Variants in SLFNL1 observed in about 807,000 individuals in gnomAD.
SLFNL1 encodes schlafen-like protein 1.
A neutral mutation model predicts 32.5 loss-of-function variants in SLFNL1; 26 were observed. The observed-to-expected ratio is 0.80, with a 90% CI of 0.59 to 1.11. The LOEUF is 1.11. Ranked by LOEUF, SLFNL1 falls within the 50% of genes least tolerant of loss-of-function variation. The pLI is 0.00. For synonymous variants in SLFNL1, 255 were observed against 242.2 expected (o/e 1.05, Z -0.49); for missense variants, 553 against 546.5 (o/e 1.01, Z -0.12).
chr1:41,019,614 T>G lies in SLFNL1; in HGVS notation c.435+612A>C, dbSNP rs1427483119. On this transcript the variant is annotated intron_variant, in intron 3 of 5. Transcript: ENST00000302946. ...CTAAGCCCCCAGGTTCCTCTGCATA[T>G]TCTGTGTCCCTTGCCTGGAATGTCC... Among the ~76,000 whole-genome samples the G allele has an allele frequency of 3.9e-5, 6 of 152,200 alleles. No homozygotes were observed. In the East Asian group the frequency reaches 9.6e-4, roughly 24 times the overall value.
chr1:41,015,959 G>A lies in SLFNL1; in HGVS notation c.*147C>T, dbSNP rs1643289366. 2 of 1,108,662 alleles carry A rather than the reference G, an allele frequency of 1.8e-6. No individual in the cohort carries two copies. The highest frequency in any genetic ancestry group is 1.3e-6 in the Non-Finnish European group (1 of 784,630). The allele number at this position is 1,108,662 out of a possible 1,614,324, so 68.7% of individuals were successfully genotyped here. A position where few individuals can be genotyped will look rare whatever the true frequency, so the allele number is the denominator to read the frequency against. On this transcript the variant is annotated 3_prime_UTR_variant, in exon 6 of 6. Transcript: ENST00000302946. ...GTCTGTCAGGGTTGAAGCCACATGG[G>A]TGCCTGCTCATGTGCCATGTTGAAG...
At position 41,020,429 on chromosome 1, in the gene SLFNL1, C is replaced by G; in HGVS notation, c.232G>C (p.Val78Leu). The change falls in exon 3 of 6, where the codon GTG (valine) becomes CTG (leucine). Residue 78 changes from valine (V) to leucine (L), a missense_variant. Val to Leu is a conservative substitution (Grantham distance 32). Coordinates refer to ENST00000302946, the MANE Select transcript of SLFNL1 (RefSeq NM_144990.4). Reference sequence around the variant, plus strand: ...ACCACTTCAATGTGCTCCCGCGCCACCGGCATCTCCAGCCGCTCCAGGGTG... The same window carrying G: ...ACCACTTCAATGTGCTCCCGCGCCAGCGGCATCTCCAGCCGCTCCAGGGTG... ...RDTLERLEMP[V>L]AREHIEVVRR... The G allele has an allele frequency of 6.2e-7, 1 of 1,613,116 alleles. No individual in the cohort carries two copies.
In SLFNL1 at chr1:41,017,785, C is replaced by A. The variant is rs766874421; in HGVS notation, c.807G>T (p.Gln269His). 4 of 1,605,488 alleles carry A rather than the reference C, an allele frequency of 2.5e-6. No individual in the cohort carries two copies. In the African/African-American group the frequency reaches 5.3e-5, roughly 21 times the overall value. Residue 269 changes from glutamine (Q) to histidine (H), a missense_variant, in exon 4 of 6, where the codon CAG becomes CAT. By Grantham distance (24) the Gln-to-His change is conservative. Transcript: ENST00000302946. This position sits in a 1 kb window ranked among gnomAD's most constrained non-coding sequence, Gnocchi z 4.9. ...LVGVEDSGLV[Q>H]GIRCSHRDED... The stretch of plus-strand genomic sequence containing the variant: ...CGTCACGGTGGCTGCAGCGGATGCC[C>A]TGCACCAGGCCGCTGTCCTCTACTC...
chr1:41,018,866 C>T (rs932329030), intron 3 of SLFNL1, among the ~76,000 whole-genome samples: 4 of 126,072 alleles, frequency 3.2e-5, no homozygotes, highest in African/African-American at 8.9e-5. Context: ...GACAGAGTCT[C>T]GCCCTGTCAC....
chr1:41,020,787 T>TA lies in SLFNL1; in HGVS notation c.-118-10dup. 2.4e-6 allele frequency: 2 copies of TA among 842,948 alleles called. No homozygotes were observed. Among genetic ancestry groups the TA allele is most frequent in the Non-Finnish European group, 3.6e-6 (2 of 552,966 alleles). The allele number at this position is 842,948 out of a possible 1,614,324, so 52.2% of individuals were successfully genotyped here. A position where few individuals can be genotyped will look rare whatever the true frequency, so the allele number is the denominator to read the frequency against. On this transcript the variant is annotated splice_polypyrimidine_tract_variant and intron_variant, in intron 2 of 5. Coordinates refer to ENST00000302946, the MANE Select transcript of SLFNL1 (RefSeq NM_144990.4). ...AGGGAGTGTCCCGGCTCCTGGGAGG[T>TA]ACACAGATTGGCAGAGACTGGGCAG...
chr1:41,016,118 G>A lies in SLFNL1; in HGVS notation c.1212C>T (p.Cys404=). The part of the protein sequence containing the change: ...LQQHGPVSCT[C]CVL ...CTCCCCAGGGCCCTCACAGGACACA[G>A]CAGGTGCAGGACACAGGCCCGTGCT... The change falls in exon 6 of 6, where the codon TGC becomes TGT. Residue 404 remains cysteine, a synonymous_variant. Transcript: ENST00000302946. The A allele has an allele frequency of 1.2e-6, 2 of 1,613,798 alleles. No individual in the cohort carries two copies. Among genetic ancestry groups the A allele is most frequent in the Admixed American group, 1.7e-5 (1 of 59,972 alleles).
intron 3 of SLFNL1, among the ~76,000 whole-genome samples, chr1:41,018,813 C>G: frequency 6.9e-6 from 1 of 144,586 alleles, no homozygotes; most frequent in Admixed American, 7.0e-5. Flanking sequence ...CTCACCCTTT[C>G]ATGTCAACCC....
rs748885819 is a variant in SLFNL1 at position 41,018,020 on chromosome 1, C to A, written c.572G>T (p.Arg191Leu). ...QAQQLQSCQG[R>L]PSGVCSDSAI... The stretch of plus-strand genomic sequence containing the variant: ...ACTGTCGGAGCACACGCCGCTGGGC[C>A]GGCCCTGGCAGCTCTGCAGCTGCTG... The change falls in exon 4 of 6, where the codon CGG becomes CTG. Residue 191 changes from arginine (R) to leucine (L), a missense_variant. Coordinates refer to ENST00000302946, the MANE Select transcript of SLFNL1 (RefSeq NM_144990.4). 1 of 1,601,162 alleles carries A rather than the reference C, an allele frequency of 6.2e-7. No homozygotes were observed. Among genetic ancestry groups the A allele is most frequent in the Non-Finnish European group, 8.5e-7 (1 of 1,174,722 alleles).
At chr1:41,018,296 C>T (rs374360767) in intron 3 of SLFNL1, 140 bp from the exon 4 acceptor site, 10 of 857,706 alleles carry the variant, frequency 1.2e-5, no homozygotes, top group South Asian at 4.8e-5. Context: ...CTCACCAGGC[C>T]GAGGGGCCCA....
chr1:41,018,159 AG>A lies in SLFNL1; in HGVS notation c.436-4del. On this transcript the variant is annotated splice_region_variant and splice_polypyrimidine_tract_variant and intron_variant, in intron 3 of 5. Coordinates refer to ENST00000302946, the MANE Select transcript of SLFNL1 (RefSeq NM_144990.4). Reference sequence around the variant, plus strand: ...TCCTCCTCCTCCTCCTCCTTCTCCTAGGGTGGTAGTCAAGAATGAATGTATG... The same window carrying A: ...TCCTCCTCCTCCTCCTCCTTCTCCTAGGTGGTAGTCAAGAATGAATGTATG... 6.8e-7 allele frequency: 1 copy of A among 1,469,158 alleles called. No individual in the cohort carries two copies. The highest frequency in any genetic ancestry group is 9.0e-7 in the Non-Finnish European group (1 of 1,106,574). The allele number at this position is 1,469,158 out of a possible 1,614,324, so 91.0% of individuals were successfully genotyped here. A position where few individuals can be genotyped will look rare whatever the true frequency, so the allele number is the denominator to read the frequency against.
intron 1 of SLFNL1, 35 bp from the exon 2 acceptor site, chr1:41,020,905 A>C (rs991336121): frequency 5.6e-6 from 3 of 531,608 alleles, no homozygotes; most frequent in Non-Finnish European, 6.7e-6. Context: ...TGGACTGAGC[A>C]AGACACAGGG....
rs201005686 is a variant in SLFNL1, at chr1:41,020,257, C to T, written c.404G>A (p.Ser135Asn). Residue 135 changes from serine (S) to asparagine (N), a missense_variant, in exon 3 of 6, where the codon AGT (serine) becomes AAT (asparagine). By Grantham distance (46) the Ser-to-Asn change is conservative. Transcript: ENST00000302946. ...LAARGKDLLLSEAQGPFSHRE... is the reference protein window; with the variant it reads ...LAARGKDLLLNEAQGPFSHRE... Reference sequence around the variant, plus strand: ...GTGGCTGAAGGGCCCTTGGGCCTCACTCAATAGCAGGTCCTTCCCACGGGC... The same window carrying T: ...GTGGCTGAAGGGCCCTTGGGCCTCATTCAATAGCAGGTCCTTCCCACGGGC... The T allele has an allele frequency of 6.0e-5, 96 of 1,608,076 alleles. No individual in the cohort carries two copies. The highest frequency in any genetic ancestry group is 1.7e-5 in the Admixed American group (1 of 59,742).
rs978624857 is a variant in SLFNL1, at chr1:41,020,735, T to C, written c.-75A>G. 2.8e-6 allele frequency: 4 copies of C among 1,446,646 alleles called. No individual in the cohort carries two copies. The highest frequency in any genetic ancestry group is 2.8e-5 in the African/African-American group (2 of 71,420). 89.6% of individuals were successfully genotyped at this position (1,446,646 alleles called of 1,614,324 possible). Reference sequence around the variant, plus strand: ...CTTCTCCCAGGGTCTGTGTTCTCAGTGTGGCTTAAGGGCTCCCAGAGGACT... The same window carrying C: ...CTTCTCCCAGGGTCTGTGTTCTCAGCGTGGCTTAAGGGCTCCCAGAGGACT... On this transcript the variant is annotated 5_prime_UTR_variant, in exon 3 of 6. Transcript: ENST00000302946.
In SLFNL1 at chr1:41,015,913, G is replaced by GT; in HGVS notation, c.*192dup. ...TCATTTGGGGACAGGGCTGAGAGCAGTTTCTTGGCTACACAGATGGGTCTG... is the reference window on the plus strand; with the variant it reads ...TCATTTGGGGACAGGGCTGAGAGCAGTTTTCTTGGCTACACAGATGGGTCTG... On this transcript the variant is annotated 3_prime_UTR_variant, in exon 6 of 6. Coordinates refer to ENST00000302946, the MANE Select transcript of SLFNL1 (RefSeq NM_144990.4). 1.5e-6 allele frequency: 1 copy of GT among 677,332 alleles called. No individual in the cohort carries two copies. The highest frequency in any genetic ancestry group is 2.1e-5 in the South Asian group (1 of 46,760). 42.0% of individuals were successfully genotyped at this position (677,332 alleles called of 1,614,324 possible). A position where few individuals can be genotyped will look rare whatever the true frequency, so the allele number is the denominator to read the frequency against.
chr1:41,020,928 C>T (rs202184637), intron 1 of SLFNL1, 58 bp from the exon 2 acceptor site: 4 of 451,364 alleles, frequency 8.9e-6, no homozygotes, highest in South Asian at 4.0e-5. Flanking sequence ...TGTGGGAAGA[C>T]GGGATCTGCC....
In SLFNL1 at chr1:41,017,956, G is replaced by A. The variant is rs772975519; in HGVS notation, c.636C>T (p.Leu212=). 17 of 1,611,956 alleles carry A rather than the reference G, an allele frequency of 1.1e-5. No individual in the cohort carries two copies. The highest frequency in any genetic ancestry group is 1.4e-5 in the Non-Finnish European group (17 of 1,179,554). Reference sequence around the variant, plus strand: ...CGCTGCCCAGGAAGGCACCCTGGAAGAGCTGGTCCTTGCCCACGATCTGCT... The same window carrying A: ...CGCTGCCCAGGAAGGCACCCTGGAAAAGCTGGTCCTTGCCCACGATCTGCT... The part of the protein sequence containing the change: ...VHQQIVGKDQ[L]FQGAFLGSET... The change falls in exon 4 of 6, where the codon CTC becomes CTT. Residue 212 remains leucine, a synonymous_variant. Transcript: ENST00000302946. This position sits in a 1 kb window ranked among gnomAD's most constrained non-coding sequence, Gnocchi z 4.9.
chr1:41,020,377 A>G lies in SLFNL1; in HGVS notation c.284T>C (p.Leu95Pro), dbSNP rs1208328691. 1 of 1,613,252 alleles carries G rather than the reference A, an allele frequency of 6.2e-7. No homozygotes were observed. Among genetic ancestry groups the G allele is most frequent in the African/African-American group, 1.3e-5 (1 of 74,934 alleles). Reference protein sequence around the residue: ...VVRRPRKAYALVQVTVHRDTL... With the variant: ...VVRRPRKAYAPVQVTVHRDTL... ...GTCCCTGTGGACAGTCACCTGCACC[A>G]GTGCATAGGCCTTCCGCGGCCGCCT... The change falls in exon 3 of 6, where the codon CTG becomes CCG. Residue 95 changes from leucine to proline, a missense_variant. Coordinates refer to ENST00000302946, the MANE Select transcript of SLFNL1 (RefSeq NM_144990.4).
At chr1:41,019,609 G>C (rs1643665047) in intron 3 of SLFNL1, among the ~76,000 whole-genome samples, 1 of 152,182 alleles carries the variant, frequency 6.6e-6, no homozygotes, top group Non-Finnish European at 1.5e-5. Flanking sequence ...AGGTTCCTCT[G>C]CATATTCTGT....
Position 41,020,337 on chromosome 1 carries a change from G to A in SLFNL1, c.324C>T (p.Leu108=). 3 of 1,613,640 alleles carry A rather than the reference G, an allele frequency of 1.9e-6. No individual in the cohort carries two copies. Among genetic ancestry groups the A allele is most frequent in the Non-Finnish European group, 2.5e-6 (3 of 1,180,028 alleles). Residue 108 remains leucine (L), a synonymous_variant, in exon 3 of 6, where the codon CTC becomes CTT. Transcript: ENST00000302946. ...CCAGGGCCGTCTGCAGGCGCCAGGGGAGGGAGGCCAGGGTGTCCCTGTGGA... is the reference window on the plus strand; with the variant it reads ...CCAGGGCCGTCTGCAGGCGCCAGGGAAGGGAGGCCAGGGTGTCCCTGTGGA... ...VTVHRDTLAS[L]PWRLQTALEE...
Sources: allele counts gnomAD v4.1 joint callset (sites outside exome capture counted in the v4.1 genomes callset), GRCh38; gene constraint gnomAD v4.1.1; non-coding constraint Gnocchi (gnomAD v3.1); transcripts MANE v1.5; gene names NCBI Gene and HGNC (gene_info 2026-07-23, HGNC 2026-07-21).